GALNT17: variants seen among roughly 807,000 people sequenced by gnomAD.
GALNT17 encodes UDP-GalNAc:polypeptide N-acetylgalactosaminyltransferase-like 3.
Under a neutral mutation model 63.7 loss-of-function variants are expected in GALNT17, and 29 were observed. That is an observed-to-expected ratio of 0.46 (90% CI 0.34 to 0.62). The LOEUF is 0.62. Among genes scored for constraint, GALNT17 ranks in the 20% least tolerant of loss-of-function variants. GALNT17 has a pLI of 0.01. For synonymous variants in GALNT17, 305 were observed against 318.3 expected, an observed-to-expected ratio of 0.96 and a Z score of 0.45; for missense variants, 603 against 799.6, an observed-to-expected ratio of 0.75 and a Z score of 2.97.
At chr7:71,485,839 C>A (rs571868643) in intron 5 of GALNT17, among the ~76,000 whole-genome samples, 2 of 152,268 alleles carry the variant, frequency 1.3e-5, no homozygotes, top group African/African-American at 4.8e-5. Context: ...TTTTCTTTGT[C>A]AACCAGAAAT....
chr7:71,528,460 A>T (rs551864535), intron 5 of GALNT17, among the ~76,000 whole-genome samples: 1 of 152,320 alleles, frequency 6.6e-6, no homozygotes, highest in South Asian at 2.1e-4. Context: ...CCCATGTTCC[A>T]TGTCATCTAC....
chr7:71,535,212 C>G (rs575463483), intron 5 of GALNT17, among the ~76,000 whole-genome samples: 1 of 152,138 alleles, frequency 6.6e-6, no homozygotes, highest in Non-Finnish European at 1.5e-5. Context: ...TCCCATTGAC[C>G]GTGGTTACTA....
intron 1 of GALNT17, among the ~76,000 whole-genome samples, chr7:71,302,220 C>T (rs1791213788): frequency 6.6e-6 from 1 of 152,104 alleles, no homozygotes; most frequent in African/African-American, 2.4e-5. Context: ...GTGGGGAGAG[C>T]ATCAGGGAAA....
In GALNT17 at chr7:71,471,408, A is replaced by C. The variant is rs910616218; in HGVS notation, c.962+50303A>C. Among the ~76,000 whole-genome samples the C allele has an allele frequency of 5.4e-5, 8 of 149,344 alleles. No individual in the cohort carries two copies. In the East Asian group the frequency reaches 9.8e-4, roughly 18 times the overall value. Reference sequence around the variant, plus strand: ...CAGCATTTTTTTTTTCCAAAAAAAAAAAAAAACAAAAAAAACCAAAAACCA... The same window carrying C: ...CAGCATTTTTTTTTTCCAAAAAAAACAAAAAACAAAAAAAACCAAAAACCA... On this transcript the variant is annotated intron_variant, in intron 5 of 10. Coordinates refer to ENST00000333538, the MANE Select transcript of GALNT17 (RefSeq NM_022479.3).
chr7:71,598,632 G>A lies in GALNT17; in HGVS notation c.1080+27230G>A, dbSNP rs77695475. Among the ~76,000 whole-genome samples the A allele has an allele frequency of 2.3e-3, 356 of 152,294 alleles. 2 individuals are homozygous for A. Among genetic ancestry groups the A allele is most frequent in the African/African-American group, 8.3e-3 (345 of 41,542 alleles). On this transcript the variant is annotated intron_variant, in intron 6 of 10. Transcript: ENST00000333538. Reference sequence around the variant, plus strand: ...ATGAGATGTCTCAACAAACTATCTAGAAATATTCTAACATGGACTTGAGAT... The same window carrying A: ...ATGAGATGTCTCAACAAACTATCTAAAAATATTCTAACATGGACTTGAGAT...
At chr7:71,502,296 G>A (rs758201689) in intron 5 of GALNT17, among the ~76,000 whole-genome samples, 3 of 152,044 alleles carry the variant, frequency 2.0e-5, no homozygotes, top group African/African-American at 7.2e-5. Context: ...GTCTTGTTAC[G>A]TGTGATGTTG....
At chr7:71,203,054 G>A (rs1789205132) in intron 1 of GALNT17, among the ~76,000 whole-genome samples, 3 of 152,136 alleles carry the variant, frequency 2.0e-5, no homozygotes, top group Admixed American at 2.0e-4. Flanking sequence ...TCCATTGATG[G>A]ACACTTAGGT....
intron 1 of GALNT17, among the ~76,000 whole-genome samples, chr7:71,269,487 T>TCCCTTG (rs1016436121): frequency 9.9e-5 from 15 of 151,998 alleles, no homozygotes; most frequent in Non-Finnish European, 1.8e-4. Flanking sequence ...AGCCTTTGCT[T>TCCCTTG]CCCTTGCTCT....
chr7:71,694,492 T>A (rs964755126), intron 9 of GALNT17, among the ~76,000 whole-genome samples: 2 of 151,816 alleles, frequency 1.3e-5, no homozygotes, highest in African/African-American at 4.8e-5. Flanking sequence ...GCCACCCAGA[T>A]TCAAGCAATT....
In GALNT17 at chr7:71,220,985, G is replaced by A. The variant is rs111551820; in HGVS notation, c.238+87945G>A. ...TAGGGCTATTCAGTTTTCCTAGAGA[G>A]GAAACTTCTAGTATTCTGCTGGGAG... On this transcript the variant is annotated intron_variant, in intron 1 of 10. Transcript: ENST00000333538. Among the ~76,000 whole-genome samples the A allele has an allele frequency of 8.7e-4, 133 of 152,308 alleles. 2 individuals are homozygous for A. Among genetic ancestry groups the A allele is most frequent in the African/African-American group, 3.0e-3 (124 of 41,564 alleles).
chr7:71,360,608 G>A (rs1250450055), intron 2 of GALNT17, among the ~76,000 whole-genome samples: 6 of 152,204 alleles, frequency 3.9e-5, no homozygotes, highest in Non-Finnish European at 5.9e-5. Context: ...TAATAAGAGT[G>A]TGTAAATTAC....
intron 6 of GALNT17, among the ~76,000 whole-genome samples, chr7:71,586,125 G>A (rs1283123650): frequency 6.6e-6 from 1 of 151,422 alleles, no homozygotes; most frequent in East Asian, 1.9e-4. Context: ...CAGGCTAGTC[G>A]CGAACTCCTG....
chr7:71,158,669 C>A (rs930695901), intron 1 of GALNT17, among the ~76,000 whole-genome samples: 2 of 151,704 alleles, frequency 1.3e-5, no homozygotes, highest in African/African-American at 4.9e-5. Context: ...CTCCACCTCC[C>A]GGGTTCACAC....
At chr7:71,607,960 T>G (rs1790070792) in intron 6 of GALNT17, among the ~76,000 whole-genome samples, 3 of 152,158 alleles carry the variant, frequency 2.0e-5, no homozygotes, top group South Asian at 4.1e-4. Flanking sequence ...CACACAAAAC[T>G]TATGTCTCAT....
chr7:71,439,432 A>G (rs753398786), intron 5 of GALNT17, among the ~76,000 whole-genome samples: 19 of 152,200 alleles, frequency 1.2e-4, no homozygotes, highest in Non-Finnish European at 1.6e-4. Flanking sequence ...TATTGCTGCT[A>G]GATAGCTTTC....
chr7:71,625,560 G>A (rs1584098021), intron 6 of GALNT17, among the ~76,000 whole-genome samples: 1 of 152,084 alleles, frequency 6.6e-6, no homozygotes, highest in African/African-American at 2.4e-5. Context: ...TTTTGTTGGG[G>A]GTGGGGTGAT....
intron 5 of GALNT17, among the ~76,000 whole-genome samples, chr7:71,480,142 CT>C (rs1787790372): frequency 1.4e-5 from 2 of 143,610 alleles, no homozygotes; most frequent in South Asian, 2.3e-4. Flanking sequence ...GAGACCCCCT[CT>C]TTTTTTGGAG....
intron 1 of GALNT17, among the ~76,000 whole-genome samples, chr7:71,333,726 C>T: frequency 6.6e-6 from 1 of 152,062 alleles, no homozygotes; most frequent in East Asian, 1.9e-4. Context: ...GTCTCGAACT[C>T]CTCAGGTGAT....
intron 5 of GALNT17, among the ~76,000 whole-genome samples, chr7:71,552,767 T>G (rs1789102565): frequency 1.3e-5 from 2 of 152,090 alleles, no homozygotes; most frequent in South Asian, 4.1e-4. Flanking sequence ...AAGGGCAGAC[T>G]TTTTGTATTT....
Sources: gnomAD v4.1 joint callset for allele counts (sites outside exome capture counted in the v4.1 genomes callset) on GRCh38, gnomAD v4.1.1 for gene constraint, MANE v1.5 for transcripts, NCBI Gene and HGNC (gene_info 2026-07-23, HGNC 2026-07-21) for gene names.